The following PDE1A variants were observed in gnomAD, a reference collection of about 807,000 sequenced individuals.
The protein encoded by PDE1A is dual specificity calcium/calmodulin-dependent 3',5'-cyclic nucleotide phosphodiesterase 1A.
A neutral mutation model predicts 61.7 loss-of-function variants in PDE1A; 35 were observed. That is an observed-to-expected ratio of 0.57 (90% CI 0.43 to 0.75). PDE1A has a LOEUF of 0.75. Among genes scored for constraint, PDE1A ranks in the 30% least tolerant of loss-of-function variants. The pLI, the probability that PDE1A is intolerant of heterozygous loss-of-function variation, is 0.00. For missense variants in PDE1A, 597 were observed against 630.6 expected, an observed-to-expected ratio of 0.95 and a Z score of 0.57; for synonymous variants, 232 against 213.2, an observed-to-expected ratio of 1.09 and a Z score of -0.77.
exon 12 of PDE1A, chr2:182,186,524 A>G: frequency 1.2e-6 from 2 of 1,612,636 alleles, no homozygotes; most frequent in Non-Finnish European, 1.7e-6. Flanking sequence ...TAAGAGGAAT[A>G]ACAATTTTCT....
At chr2:182,255,174 G>T (rs1691683383) in intron 2 of PDE1A, among the ~76,000 whole-genome samples, 1 of 152,150 alleles carries the variant, frequency 6.6e-6, no homozygotes, top group Non-Finnish European at 1.5e-5. Context: ...GACATCATTT[G>T]TGCCCTAGAT....
intron 2 of PDE1A, among the ~76,000 whole-genome samples, chr2:182,484,853 C>T (rs1451350075): frequency 6.6e-6 from 1 of 151,592 alleles, no homozygotes; most frequent in African/African-American, 2.4e-5. Flanking sequence ...ACTATTAAAA[C>T]ATCAAAAAAT....
intron 1 of PDE1A, among the ~76,000 whole-genome samples, chr2:182,400,591 G>A (rs1701948027): frequency 6.6e-6 from 1 of 152,068 alleles, no homozygotes; most frequent in Non-Finnish European, 1.5e-5. Context: ...AGCACTCTCA[G>A]GGGAGTTTTC....
chr2:182,397,811 A>G (rs1432719269), intron 1 of PDE1A, among the ~76,000 whole-genome samples: 1 of 152,114 alleles, frequency 6.6e-6, no homozygotes, highest in Non-Finnish European at 1.5e-5. Context: ...GGGGCTTCAT[A>G]TAGAAAAATG....
At position 182,295,180 on chromosome 2, in the gene PDE1A, T is replaced by G. The variant is rs866170900; in HGVS notation, c.54-30766A>C. On this transcript the variant is annotated intron_variant, in intron 1 of 13. Transcript: ENST00000351439. Reference sequence around the variant, plus strand: ...AGCTCTGCCTCCCGAGTTCACGCCATTCTCCTGCCTCAGCCTCCCGAGTAG... The same window carrying G: ...AGCTCTGCCTCCCGAGTTCACGCCAGTCTCCTGCCTCAGCCTCCCGAGTAG... Among the ~76,000 whole-genome samples, 43 of 137,722 alleles carry G rather than the reference T, an allele frequency of 3.1e-4. No individual in the cohort carries two copies. The Middle Eastern group carries it at 0.024, about 76-fold the overall frequency. The allele number at this position is 137,722 out of a possible 152,430, so 90.4% of individuals were successfully genotyped here. A position where few individuals can be genotyped will look rare whatever the true frequency, so the allele number is the denominator to read the frequency against.
chr2:182,295,571 C>CA (rs1288415472), intron 1 of PDE1A, among the ~76,000 whole-genome samples: 4 of 152,082 alleles, frequency 2.6e-5, no homozygotes, highest in Non-Finnish European at 5.9e-5. Flanking sequence ...TGAATGGTAT[C>CA]TACGGATTAA....
chr2:182,660,642 A>T, the PDE1A span, among the ~76,000 whole-genome samples: 1 of 152,214 alleles, frequency 6.6e-6, no homozygotes, highest in South Asian at 2.1e-4. Flanking sequence ...TACTGTAGCC[A>T]TGTTGCAAGC....
At chr2:182,186,263 A>T (rs1315965874) in intron 12 of PDE1A, among the ~76,000 whole-genome samples, 184 bp from the exon 13 acceptor site, 1 of 152,158 alleles carries the variant, frequency 6.6e-6, no homozygotes, top group Non-Finnish European at 1.5e-5. Flanking sequence ...TCCTTAGTAC[A>T]CACCTTACTT....
chr2:182,511,536 G>T (rs969254044), intron 2 of PDE1A, among the ~76,000 whole-genome samples: 1 of 152,164 alleles, frequency 6.6e-6, no homozygotes, highest in Non-Finnish European at 1.5e-5. Flanking sequence ...GAGTTGATAG[G>T]GGTGGGACTT....
the PDE1A span, among the ~76,000 whole-genome samples, chr2:182,711,642 G>C: frequency 6.6e-6 from 1 of 152,066 alleles, no homozygotes; most frequent in Non-Finnish European, 1.5e-5. Flanking sequence ...GAAATGGCTA[G>C]TATAATGGCT....
chr2:182,653,739 C>T, the PDE1A span, among the ~76,000 whole-genome samples: 16 of 152,250 alleles, frequency 1.1e-4, no homozygotes, highest in Middle Eastern at 3.4e-3. Context: ...TTCTGATAGG[C>T]CCAGCATTCA....
chr2:182,468,575 A>C (rs1182850726), intron 2 of PDE1A, among the ~76,000 whole-genome samples: 1 of 151,938 alleles, frequency 6.6e-6, no homozygotes, highest in Non-Finnish European at 1.5e-5. Context: ...GCTGGAGTCA[A>C]CTTCTGAACT....
the PDE1A span, among the ~76,000 whole-genome samples, chr2:182,658,071 A>C: frequency 0.012 from 617 of 53,532 alleles, 2 homozygotes; most frequent in African/African-American, 0.028. Context: ...AAAAAAAAAA[A>C]ACAAAAAAAC....
chr2:182,367,526 T>C (rs1699903510), intron 1 of PDE1A, among the ~76,000 whole-genome samples: 1 of 152,054 alleles, frequency 6.6e-6, no homozygotes, highest in African/African-American at 2.4e-5. Flanking sequence ...GTTCTCTTAA[T>C]AAAATGTCTA....
At chr2:182,559,890 T>C in the PDE1A span, among the ~76,000 whole-genome samples, 2 of 152,056 alleles carry the variant, frequency 1.3e-5, no homozygotes, top group Admixed American at 6.6e-5. Flanking sequence ...AATGAATCCA[T>C]TTAAATTTTT....
intron 12 of PDE1A, 111 bp downstream of exon 12, chr2:182,186,352 CTCCCT>C: frequency 8.0e-7 from 1 of 1,247,076 alleles, no homozygotes; most frequent in South Asian, 1.4e-5. Context: ...GGTGGCAATA[CTCCCT>C]AATAATTCTT....
intron 1 of PDE1A, among the ~76,000 whole-genome samples, chr2:182,308,368 C>T (rs1695739200): frequency 6.6e-6 from 1 of 152,056 alleles, no homozygotes; most frequent in Non-Finnish European, 1.5e-5. Context: ...TTTTAAATTG[C>T]TAAAAATATA....
At chr2:182,649,643 C>G in the PDE1A span, among the ~76,000 whole-genome samples, 9 of 151,480 alleles carry the variant, frequency 5.9e-5, no homozygotes, top group Admixed American at 5.9e-4. Context: ...TGGAGTCTCG[C>G]TTTTTCACCC....
chr2:182,690,326 C>G, the PDE1A span, among the ~76,000 whole-genome samples: 5 of 152,150 alleles, frequency 3.3e-5, no homozygotes, highest in Non-Finnish European at 5.9e-5. Flanking sequence ...AAAAGCTTAT[C>G]CACGATGATC....
Sources: allele counts gnomAD v4.1 joint callset (sites outside exome capture counted in the v4.1 genomes callset), GRCh38; gene constraint gnomAD v4.1.1; transcripts MANE v1.5; gene names NCBI Gene and HGNC (gene_info 2026-07-23, HGNC 2026-07-21).